NPAS3: variants seen among roughly 807,000 people sequenced by gnomAD.
The protein encoded by NPAS3 is neuronal PAS domain-containing protein 3.
A neutral mutation model predicts 73.1 loss-of-function variants in NPAS3; 14 were observed. That is an observed-to-expected ratio of 0.19 (90% CI 0.13 to 0.30). The LOEUF is 0.30. NPAS3 is among the 10% of genes least tolerant of loss of function. The pLI is 1.00. For synonymous variants in NPAS3, 620 were observed against 541.5 expected (o/e 1.14, Z -2.01); for missense variants, 1,096 against 1,250.0 (o/e 0.88, Z 1.86).
intron 2 of NPAS3, among the ~76,000 whole-genome samples, chr14:33,116,379 T>C (rs945751326): frequency 6.6e-5 from 10 of 152,194 alleles, no homozygotes; most frequent in African/African-American, 1.4e-4. Flanking sequence ...AGGATGAGCA[T>C]GTGTTGTAAT....
At chr14:33,093,957 C>T (rs550633691) in intron 2 of NPAS3, among the ~76,000 whole-genome samples, 58 of 147,790 alleles carry the variant, frequency 3.9e-4, no homozygotes, top group African/African-American at 6.9e-4. Context: ...CATCACACAC[C>T]GGGGCCTGTT....
chr14:32,974,947 G>T (rs1488248573), intron 1 of NPAS3, among the ~76,000 whole-genome samples: 1 of 152,114 alleles, frequency 6.6e-6, no homozygotes, highest in African/African-American at 2.4e-5. Context: ...TGTTACTACT[G>T]AGAATAAATA....
At chr14:33,345,567 G>C (rs1216255475) in intron 3 of NPAS3, among the ~76,000 whole-genome samples, 1 of 152,212 alleles carries the variant, frequency 6.6e-6, no homozygotes, top group Non-Finnish European at 1.5e-5. Context: ...TTACTTTAGA[G>C]TGCATTTATA....
rs201627292 is a variant in NPAS3 at position 33,299,404 on chromosome 14, C to T, written c.386-67782C>T. Among the ~76,000 whole-genome samples, 9 of 152,192 alleles carry T rather than the reference C, an allele frequency of 5.9e-5. No homozygotes were observed. In the East Asian group the frequency reaches 1.7e-3, roughly 30 times the overall value. ...GGGGCTGTTAGAAGAAAAGCGTGCC[C>T]TATTCTACAGGACCTGAACCTGAGA... On this transcript the variant is annotated intron_variant, in intron 3 of 11. Transcript: ENST00000356141.
chr14:33,596,806 T>A (rs576491344), intron 5 of NPAS3, among the ~76,000 whole-genome samples: 18 of 152,344 alleles, frequency 1.2e-4, no homozygotes, highest in African/African-American at 4.3e-4. Context: ...TCCTTAGAAA[T>A]CTTCCATTAC....
Position 33,144,804 on chromosome 14 carries a change from G to A in NPAS3, c.141-70378G>A, listed in dbSNP as rs186439023. Among the ~76,000 whole-genome samples, 8 of 152,076 alleles carry A rather than the reference G, an allele frequency of 5.3e-5. No individual in the cohort carries two copies. The East Asian group carries it at 1.4e-3, about 26-fold the overall frequency. On this transcript the variant is annotated intron_variant, in intron 2 of 11. Coordinates refer to ENST00000356141, the Ensembl canonical transcript of NPAS3. Reference sequence around the variant, plus strand: ...ATGGGGAGTCTTGCTGCATTGCCCAGGCTGGTCTTGAACTCCTGGCCTCAA... The same window carrying A: ...ATGGGGAGTCTTGCTGCATTGCCCAAGCTGGTCTTGAACTCCTGGCCTCAA...
At chr14:32,960,511 C>T (rs1018927309) in intron 1 of NPAS3, among the ~76,000 whole-genome samples, 5 of 152,184 alleles carry the variant, frequency 3.3e-5, no homozygotes, top group Non-Finnish European at 4.4e-5. Flanking sequence ...AGTGGAATGT[C>T]AAATTGTAGA....
chr14:33,345,992 G>A (rs1244330335), intron 3 of NPAS3, among the ~76,000 whole-genome samples: 3 of 152,070 alleles, frequency 2.0e-5, no homozygotes, highest in Non-Finnish European at 2.9e-5. Flanking sequence ...CAGCACTTTG[G>A]GAGGTCGAGG....
chr14:33,380,044 GAA>G (rs147636140), intron 4 of NPAS3, among the ~76,000 whole-genome samples: 1 of 147,430 alleles, frequency 6.8e-6, no homozygotes, highest in African/African-American at 2.5e-5. Context: ...AAGTGGGGGG[GAA>G]AAAGAAAATG....
chr14:32,999,077 A>C (rs2038698233), intron 1 of NPAS3, among the ~76,000 whole-genome samples: 2 of 152,168 alleles, frequency 1.3e-5, no homozygotes, highest in South Asian at 4.1e-4. Flanking sequence ...GCTTTTAAAC[A>C]GTCATTTAGT....
chr14:32,999,377 G>A (rs533558073), intron 1 of NPAS3, among the ~76,000 whole-genome samples: 35 of 152,066 alleles, frequency 2.3e-4, no homozygotes, highest in Non-Finnish European at 4.9e-4. Flanking sequence ...TAGGCGTGGT[G>A]GCAGGTGCCT....
intron 2 of NPAS3, among the ~76,000 whole-genome samples, chr14:33,190,259 A>G (rs2046121496): frequency 6.6e-6 from 1 of 152,198 alleles, no homozygotes; most frequent in Non-Finnish European, 1.5e-5. Flanking sequence ...CTGAAGTTCA[A>G]GACATGTATT....
intron 6 of NPAS3, among the ~76,000 whole-genome samples, chr14:33,691,782 C>A (rs941975861): frequency 6.6e-6 from 1 of 152,148 alleles, no homozygotes; most frequent in East Asian, 1.9e-4. Flanking sequence ...ACCACAGAGC[C>A]CCTTGGGGTT....
intron 5 of NPAS3, among the ~76,000 whole-genome samples, chr14:33,646,740 G>T (rs2058839409): frequency 6.6e-6 from 1 of 152,184 alleles, no homozygotes; most frequent in Non-Finnish European, 1.5e-5. Context: ...TGTGGTCTTT[G>T]GTGCCTGTGA....
At chr14:33,236,462 C>CA (rs1233281454) in intron 3 of NPAS3, among the ~76,000 whole-genome samples, 1 of 152,088 alleles carries the variant, frequency 6.6e-6, no homozygotes, top group Non-Finnish European at 1.5e-5. Context: ...ATAGAAGATG[C>CA]ATTTCTCTTC....
At chr14:33,679,898 AT>A (rs1285837130) in intron 6 of NPAS3, among the ~76,000 whole-genome samples, 4 of 152,226 alleles carry the variant, frequency 2.6e-5, no homozygotes, top group Non-Finnish European at 5.9e-5. Flanking sequence ...ATGTATGCAC[AT>A]TTTTTAACAG....
At chr14:33,687,018 T>C (rs766954282) in intron 6 of NPAS3, among the ~76,000 whole-genome samples, 5 of 152,162 alleles carry the variant, frequency 3.3e-5, no homozygotes, top group Non-Finnish European at 7.4e-5. Context: ...AGTGAGTGAA[T>C]AGACCTTGAG....
At chr14:33,798,147 AG>A (rs1804919855) in intron 11 of NPAS3, among the ~76,000 whole-genome samples, 1 of 152,180 alleles carries the variant, frequency 6.6e-6, no homozygotes, top group Admixed American at 6.5e-5. Context: ...CCTCTAAAGT[AG>A]GGTACTTAAT....
In NPAS3 at chr14:33,498,640, A is replaced by G. The variant is rs935091178; in HGVS notation, c.469-61481A>G. On this transcript the variant is annotated intron_variant, in intron 4 of 11. Transcript: ENST00000356141. ...CTCACTCGTAAGTGGGAGTTGAACA[A>G]TGGGAACACATGGACACAGAGGGGA... Among the ~76,000 whole-genome samples, 4 of 152,078 alleles carry G rather than the reference A, an allele frequency of 2.6e-5. No homozygotes were observed. The East Asian group carries it at 5.9e-4, about 22-fold the overall frequency.
Sources: allele counts gnomAD v4.1 joint callset (sites outside exome capture counted in the v4.1 genomes callset), GRCh38; gene constraint gnomAD v4.1.1; transcripts MANE v1.5; gene names NCBI Gene and HGNC (gene_info 2026-07-23, HGNC 2026-07-21).